Variants in NFIB observed in about 807,000 individuals in gnomAD.
The protein encoded by NFIB is nuclear factor I B.
In NFIB, 11 loss-of-function variants were observed where a neutral mutation model predicts 61.5. That is an observed-to-expected ratio of 0.18 (90% CI 0.11 to 0.30). The LOEUF is 0.30. Among genes scored for constraint, NFIB ranks in the 10% least tolerant of loss-of-function variants. The pLI is 1.00. For synonymous variants in NFIB, 260 were observed against 216.5 expected (o/e 1.20, Z -1.76); for missense variants, 471 against 608.9 (o/e 0.77, Z 2.38).
intron 1 of NFIB, among the ~76,000 whole-genome samples, chr9:14,340,287 G>C (rs931915908): frequency 6.6e-6 from 1 of 152,142 alleles, no homozygotes; most frequent in African/African-American, 2.4e-5. Context: ...GGAGTTCATT[G>C]CATACTTAGT....
At chr9:14,166,929 A>C (rs2044867105) in intron 3 of NFIB, among the ~76,000 whole-genome samples, 1 of 152,116 alleles carries the variant, frequency 6.6e-6, no homozygotes, top group African/African-American at 2.4e-5. Context: ...TTGTAGGTTC[A>C]CTTTTCGTAT....
chr9:14,307,553 G>A lies in NFIB; in HGVS notation c.31-33C>T, dbSNP rs2060079516. The A allele has an allele frequency of 6.6e-7, 1 of 1,513,784 alleles. No homozygotes were observed. Among genetic ancestry groups the A allele is most frequent in the African/African-American group, 1.4e-5 (1 of 71,698 alleles). 93.8% of individuals were successfully genotyped at this position (1,513,784 alleles called of 1,614,324 possible). On this transcript the variant is annotated intron_variant, in intron 1 of 10. Coordinates refer to ENST00000380953, the MANE Select transcript of NFIB (RefSeq NM_001190737.2). The surrounding 1 kb of genome is among the most constrained non-coding windows in gnomAD (Gnocchi z 5.3). ...AGACAGAGGGGTGAGGAAAAGATGTGCATAGTCAGTTTAATTTTAAAAGCT... is the reference window on the plus strand; with the variant it reads ...AGACAGAGGGGTGAGGAAAAGATGTACATAGTCAGTTTAATTTTAAAAGCT...
At chr9:14,302,850 TG>T (rs1458486992) in intron 2 of NFIB, among the ~76,000 whole-genome samples, 1 of 152,158 alleles carries the variant, frequency 6.6e-6, no homozygotes, top group Non-Finnish European at 1.5e-5. Context: ...TGCAGCCCTT[TG>T]GGTAGAACTG....
intron 1 of NFIB, among the ~76,000 whole-genome samples, chr9:14,395,100 C>G (rs2061667595): frequency 1.3e-5 from 2 of 151,950 alleles, no homozygotes; most frequent in African/African-American, 4.8e-5. Flanking sequence ...AGACTGGTGT[C>G]TGGTGGCTTC....
At chr9:14,283,018 T>C (rs142422624) in intron 2 of NFIB, among the ~76,000 whole-genome samples, 205 of 152,318 alleles carry the variant, frequency 1.3e-3, no homozygotes, top group African/African-American at 4.4e-3. Context: ...AAATATTAGA[T>C]GTTGCGGCTG....
intron 2 of NFIB, among the ~76,000 whole-genome samples, chr9:14,218,400 G>T (rs1263004593): frequency 6.6e-6 from 1 of 152,046 alleles, no homozygotes; most frequent in Non-Finnish European, 1.5e-5. Context: ...ATAAAACCCA[G>T]ATTCCACCCA....
chr9:14,341,817 T>C (rs1022176204), intron 1 of NFIB, among the ~76,000 whole-genome samples: 8 of 151,870 alleles, frequency 5.3e-5, no homozygotes, highest in African/African-American at 1.7e-4. Context: ...AGAGAGGGAA[T>C]CTCAGCAACA....
chr9:14,456,410 C>T, the NFIB span, among the ~76,000 whole-genome samples: 2 of 152,050 alleles, frequency 1.3e-5, no homozygotes, highest in Non-Finnish European at 2.9e-5. Flanking sequence ...AGACAAAGGA[C>T]AAACCTGCAA....
At chr9:14,417,126 C>T in the NFIB span, among the ~76,000 whole-genome samples, 2 of 151,328 alleles carry the variant, frequency 1.3e-5, no homozygotes, top group African/African-American at 4.9e-5. Context: ...CTCCTGACCT[C>T]GTGATCTGCC....
intron 7 of NFIB, among the ~76,000 whole-genome samples, chr9:14,125,315 G>T (rs543891049): frequency 4.8e-4 from 73 of 152,102 alleles, no homozygotes; most frequent in African/African-American, 1.6e-3. Flanking sequence ...ATGCCACCAT[G>T]CCAGGCTAAT....
In NFIB at chr9:14,086,004, CTTT is replaced by C. The variant is rs2032813206; in HGVS notation, c.*2302_*2304del. The C allele has an allele frequency of 4.4e-6, 1 of 229,518 alleles. No homozygotes were observed. Among genetic ancestry groups the C allele is most frequent in the African/African-American group, 2.2e-5 (1 of 45,226 alleles). 14.2% of individuals were successfully genotyped at this position (229,518 alleles called of 1,614,324 possible). Reference sequence around the variant, plus strand: ...AAAACTATCACCAAGCCAAGTCTGCCTTTTTAAGCCAAGTCTGCCTCCAGGAGA... The same window carrying C: ...AAAACTATCACCAAGCCAAGTCTGCCTTAAGCCAAGTCTGCCTCCAGGAGA... On this transcript the variant is annotated 3_prime_UTR_variant, in exon 11 of 11. Coordinates refer to ENST00000380953, the MANE Select transcript of NFIB (RefSeq NM_001190737.2).
intron 3 of NFIB, among the ~76,000 whole-genome samples, chr9:14,171,245 A>G (rs1433264125): frequency 6.6e-6 from 1 of 150,640 alleles, no homozygotes; most frequent in Non-Finnish European, 1.5e-5. Context: ...TTGCTCAGAC[A>G]CCAAGTTCCC....
chr9:14,527,301 G>C, the NFIB span, among the ~76,000 whole-genome samples: 1 of 152,040 alleles, frequency 6.6e-6, no homozygotes, highest in Non-Finnish European at 1.5e-5. Context: ...CATCATCGTT[G>C]TTGTTGTTTT....
intron 2 of NFIB, among the ~76,000 whole-genome samples, chr9:14,201,798 C>T (rs113966898): frequency 0.035 from 5,164 of 147,790 alleles, 242 homozygotes; most frequent in African/African-American, 0.11. Flanking sequence ...GACAAAGTAA[C>T]CTTAAAAAAA....
At chr9:14,204,186 C>T (rs1284251064) in intron 2 of NFIB, 1 of 518,644 alleles carries the variant, frequency 1.9e-6, no homozygotes, top group Non-Finnish European at 3.4e-6. Flanking sequence ...TCATACCTTT[C>T]TATGGCACAG....
At chr9:14,413,207 G>A in the NFIB span, among the ~76,000 whole-genome samples, 1 of 152,130 alleles carries the variant, frequency 6.6e-6, no homozygotes, top group Non-Finnish European at 1.5e-5. Flanking sequence ...TGGCAATGGA[G>A]GACACACTTG....
intron 2 of NFIB, among the ~76,000 whole-genome samples, chr9:14,192,138 T>C (rs966133344): frequency 1.8e-4 from 27 of 152,212 alleles, no homozygotes; most frequent in African/African-American, 5.1e-4. Context: ...GTTTTTGGTC[T>C]TAAAGATTGC....
At chr9:14,439,166 T>A in the NFIB span, among the ~76,000 whole-genome samples, 1 of 150,954 alleles carries the variant, frequency 6.6e-6, no homozygotes, top group African/African-American at 2.4e-5. Context: ...AGGCCAGGAG[T>A]TTGAGAACAG....
At chr9:14,159,089 C>A (rs1204775823) in intron 3 of NFIB, among the ~76,000 whole-genome samples, 1 of 152,070 alleles carries the variant, frequency 6.6e-6, no homozygotes, top group African/African-American at 2.4e-5. Context: ...GGGGTGTGAG[C>A]CTGTTGGAAG....
Sources: gnomAD v4.1 joint callset for allele counts (sites outside exome capture counted in the v4.1 genomes callset) on GRCh38, gnomAD v4.1.1 for gene constraint, Gnocchi (gnomAD v3.1) non-coding constraint, MANE v1.5 for transcripts, NCBI Gene and HGNC (gene_info 2026-07-23, HGNC 2026-07-21) for gene names.